IL3RA: variants seen among roughly 807,000 people sequenced by gnomAD.
IL3RA encodes the protein interleukin-3 receptor subunit alpha.
Under a neutral mutation model 52.3 loss-of-function variants are expected in IL3RA, and 73 were observed. The observed-to-expected ratio is 1.40, with a 90% CI of 1.16 to 1.70. The LOEUF is 1.70. Among genes scored for constraint, IL3RA ranks in the 40% most tolerant of loss-of-function variants. The probability of loss-of-function intolerance (pLI) is 0.00; values close to 1 mark genes in which losing one functional copy is unlikely to be tolerated. For synonymous variants in IL3RA, 260 were observed against 194.0 expected (o/e 1.34, Z -2.83); for missense variants, 664 against 504.4 (o/e 1.32, Z -3.03).
At chrX:1,344,084 A>T (rs28781594) in intron 2 of IL3RA, among the ~76,000 whole-genome samples, 2 of 151,706 alleles carry the variant, frequency 1.3e-5, no homozygotes. Context: ...GTGAGCCACC[A>T]CGCCCGTTTG....
chrX:1,365,285 C>G, intron 9 of IL3RA, 33 bp downstream of exon 9: 1 of 1,184,536 alleles, frequency 8.4e-7, no homozygotes, highest in Non-Finnish European at 1.1e-6. Context: ...GCGGGGTGAG[C>G]GGGGTGAGCG....
intron 6 of IL3RA, among the ~76,000 whole-genome samples, 180 bp from the exon 7 acceptor site, chrX:1,356,041 A>C (rs1423451115): frequency 1.2e-4 from 18 of 152,072 alleles, no homozygotes; most frequent in Non-Finnish European, 2.4e-4. Context: ...AACGCGGCTC[A>C]GTCCTGTGTC....
intron 4 of IL3RA, among the ~76,000 whole-genome samples, chrX:1,349,138 G>C (rs1372079090): frequency 1.3e-5 from 2 of 151,482 alleles, no homozygotes; most frequent in East Asian, 1.9e-4. Context: ...CTCCCACGTA[G>C]GTGGAACTAC....
intron 3 of IL3RA, among the ~76,000 whole-genome samples, chrX:1,346,028 C>T (rs1329121004): frequency 6.6e-6 from 1 of 151,958 alleles, no homozygotes; most frequent in East Asian, 1.9e-4. Flanking sequence ...CGAAACCCAA[C>T]CCCACGCTGG....
intron 9 of IL3RA, among the ~76,000 whole-genome samples, chrX:1,367,230 C>A (rs1451032576): frequency 2.9e-5 from 1 of 33,978 alleles, no homozygotes; most frequent in Non-Finnish European, 4.6e-5. Context: ...GAGCCGGGTG[C>A]GCGGGGTGCG....
At chrX:1,349,354 G>C (rs1299392419) in intron 4 of IL3RA, among the ~76,000 whole-genome samples, 5 of 151,676 alleles carry the variant, frequency 3.3e-5, no homozygotes, top group Admixed American at 6.6e-5. Flanking sequence ...GCTAATTCTT[G>C]TATTTTTAGT....
chrX:1,347,289 T>TA (rs17883201), intron 3 of IL3RA, among the ~76,000 whole-genome samples: 64,924 of 148,982 alleles, frequency 0.44, 14,800 homozygotes, highest in Middle Eastern at 0.61. Flanking sequence ...ACTAAAAATA[T>TA]AAAAATTAGC....
At chrX:1,345,244 A>AAACCAT in intron 2 of IL3RA, 72 bp from the exon 3 acceptor site, 3 of 962,524 alleles carry the variant, frequency 3.1e-6, no homozygotes, top group Admixed American at 2.3e-5. Flanking sequence ...AAAAAAAAAA[A>AAACCAT]ACCATACCCC....
At chrX:1,353,552 T>C (rs1251372223) in intron 6 of IL3RA, among the ~76,000 whole-genome samples, 5 of 148,050 alleles carry the variant, frequency 3.4e-5, no homozygotes, top group Non-Finnish European at 5.9e-5. Context: ...TCATGGGTCA[T>C]AGGATCCCCC....
intron 9 of IL3RA, among the ~76,000 whole-genome samples, chrX:1,377,332 G>A (rs1271240360): frequency 8.0e-5 from 12 of 150,566 alleles, no homozygotes; most frequent in Non-Finnish European, 1.2e-4. Flanking sequence ...CCTCCACCTC[G>A]CAGGTTCAGG....
chrX:1,381,618 A>C (rs2089181578), intron 11 of IL3RA, among the ~76,000 whole-genome samples: 1 of 150,604 alleles, frequency 6.6e-6, no homozygotes, highest in Admixed American at 6.6e-5. Context: ...GCTCACCACA[A>C]CCTCCACCTT....
intron 8 of IL3RA, among the ~76,000 whole-genome samples, chrX:1,361,743 A>G (rs1409254998): frequency 1.6e-5 from 2 of 128,392 alleles, no homozygotes; most frequent in Admixed American, 1.8e-4. Flanking sequence ...ACAGAGTGAG[A>G]CTCCGTCTCG....
intron 8 of IL3RA, among the ~76,000 whole-genome samples, chrX:1,362,133 T>G (rs1156726148): frequency 3.5e-5 from 2 of 56,616 alleles, no homozygotes; most frequent in African/African-American, 1.2e-4. Flanking sequence ...TCTCTATGTC[T>G]CTCTGTTTCT....
At chrX:1,343,030 A>G (rs113806248) in intron 2 of IL3RA, among the ~76,000 whole-genome samples, 29 of 151,772 alleles carry the variant, frequency 1.9e-4, no homozygotes, top group African/African-American at 2.4e-4. Flanking sequence ...AGCCTAGATC[A>G]CGCCATTGCA....
chrX:1,342,371 G>A (rs1276176592), intron 2 of IL3RA, among the ~76,000 whole-genome samples: 1 of 151,636 alleles, frequency 6.6e-6, no homozygotes, highest in Non-Finnish European at 1.5e-5. Context: ...TCACTATGTC[G>A]GTCAGGCTGG....
At chrX:1,354,508 A>AGG (rs1569522547) in intron 6 of IL3RA, among the ~76,000 whole-genome samples, 8 of 140,526 alleles carry the variant, frequency 5.7e-5, no homozygotes, top group South Asian at 4.7e-4. Flanking sequence ...GGAGGAGGAG[A>AGG]AGGAAAAGAA....
At chrX:1,361,134 CCT>C (rs775630753) in intron 8 of IL3RA, among the ~76,000 whole-genome samples, 6 of 124,704 alleles carry the variant, frequency 4.8e-5, no homozygotes, top group Non-Finnish European at 6.7e-5. Flanking sequence ...TCTCCCTTCC[CCT>C]CTCTGTCTCT....
At chrX:1,381,506 G>A (rs61431574) in intron 11 of IL3RA, among the ~76,000 whole-genome samples, 2,019 of 151,950 alleles carry the variant, frequency 0.013, 40 homozygotes, top group African/African-American at 0.045. Context: ...ATCACGGGCC[G>A]TCTCCGCACC....
At chrX:1,344,337 C>G (rs765854193) in intron 2 of IL3RA, among the ~76,000 whole-genome samples, 1 of 151,210 alleles carries the variant, frequency 6.6e-6, no homozygotes, top group South Asian at 2.1e-4. Context: ...AGCAGGCTGA[C>G]ACAGGATAAT....
Sources: gnomAD v4.1 joint callset for allele counts (sites outside exome capture counted in the v4.1 genomes callset) on GRCh38, gnomAD v4.1.1 for gene constraint, MANE v1.5 for transcripts, NCBI Gene and HGNC (gene_info 2026-07-23, HGNC 2026-07-21) for gene names.